FAM227B: variants seen among roughly 807,000 people sequenced by gnomAD.
FAM227B encodes the protein family with sequence similarity 227 member B.
In FAM227B, 88 loss-of-function variants were observed where a neutral mutation model predicts 73.8. The observed-to-expected ratio is 1.19, with a 90% confidence interval of 1.00 to 1.42. The LOEUF (loss-of-function observed/expected upper bound fraction) is 1.42. Among genes scored for constraint, FAM227B ranks in the 40% most tolerant of loss-of-function variants. The pLI is 0.00. For missense variants in FAM227B, 632 were observed against 590.9 expected (o/e 1.07, Z -0.72); for synonymous variants, 210 against 190.5 (o/e 1.10, Z -0.84).
At chr15:49,374,114 C>T (rs1199577794) in intron 11 of FAM227B, among the ~76,000 whole-genome samples, 1 of 152,104 alleles carries the variant, frequency 6.6e-6, no homozygotes, top group Non-Finnish European at 1.5e-5. Context: ...GATAAAAGCT[C>T]TACTTTATAA....
chr15:49,385,008 G>C (rs892227478), intron 11 of FAM227B, among the ~76,000 whole-genome samples: 1 of 151,956 alleles, frequency 6.6e-6, no homozygotes, highest in African/African-American at 2.4e-5. Context: ...CAATGGCAGA[G>C]AATTTCAGGA....
chr15:49,428,762 T>C (rs1317940189), intron 11 of FAM227B, among the ~76,000 whole-genome samples: 1 of 152,018 alleles, frequency 6.6e-6, no homozygotes, highest in South Asian at 2.1e-4. Context: ...TTTTAAGAAT[T>C]TCTTGTCATA....
At chr15:49,489,687 C>T (rs2056716206) in intron 11 of FAM227B, among the ~76,000 whole-genome samples, 1 of 148,342 alleles carries the variant, frequency 6.7e-6, no homozygotes, top group Non-Finnish European at 1.5e-5. Flanking sequence ...GAGAATAAGA[C>T]CTAAAAAGAC....
At chr15:49,403,958 A>G (rs931949373) in intron 11 of FAM227B, among the ~76,000 whole-genome samples, 5 of 152,074 alleles carry the variant, frequency 3.3e-5, no homozygotes, top group Non-Finnish European at 7.4e-5. Context: ...GGTATGTTGC[A>G]TCTTTGTTCT....
At chr15:49,506,191 T>C (rs2058570241) in intron 11 of FAM227B, among the ~76,000 whole-genome samples, 1 of 151,984 alleles carries the variant, frequency 6.6e-6, no homozygotes, top group South Asian at 2.1e-4. Flanking sequence ...TTAATAGAAC[T>C]AAATAAAATA....
At chr15:49,451,307 T>C (rs1472338467) in intron 11 of FAM227B, among the ~76,000 whole-genome samples, 4 of 152,130 alleles carry the variant, frequency 2.6e-5, no homozygotes, top group South Asian at 2.1e-4. Context: ...GAAGAAATTA[T>C]AAAAACTAAA....
Position 49,524,232 on chromosome 15 carries a change from T to C in FAM227B, c.875-15884A>G, listed in dbSNP as rs546649413. Among the ~76,000 whole-genome samples the C allele has an allele frequency of 2.0e-5, 3 of 152,208 alleles. No individual in the cohort carries two copies. In the South Asian group the frequency reaches 6.2e-4, roughly 32 times the overall value. On this transcript the variant is annotated intron_variant, in intron 10 of 15. Coordinates refer to ENST00000299338, the MANE Select transcript of FAM227B (RefSeq NM_152647.3). Reference sequence around the variant, plus strand: ...GAGGCCTAGAAGGGAAAGATGGTTTTGTCAGCTGGGCCCAGGGCTCCCTGC... The same window carrying C: ...GAGGCCTAGAAGGGAAAGATGGTTTCGTCAGCTGGGCCCAGGGCTCCCTGC...
chr15:49,550,085 C>T (rs1260777523), intron 9 of FAM227B, among the ~76,000 whole-genome samples: 2 of 111,038 alleles, frequency 1.8e-5, no homozygotes, highest in African/African-American at 7.6e-5. Context: ...CCCTCCTGGA[C>T]GGGGGCGGCT....
intron 11 of FAM227B, among the ~76,000 whole-genome samples, chr15:49,402,841 T>C (rs1326913949): frequency 2.0e-5 from 3 of 152,128 alleles, no homozygotes; most frequent in Non-Finnish European, 4.4e-5. Flanking sequence ...TGAGAGTGGA[T>C]ATCCTTGTGT....
At chr15:49,476,544 A>G (rs1463625754) in intron 11 of FAM227B, among the ~76,000 whole-genome samples, 1 of 152,086 alleles carries the variant, frequency 6.6e-6, no homozygotes, top group Non-Finnish European at 1.5e-5. Context: ...TCACAAAAAG[A>G]AGTTATCCAT....
At chr15:49,382,776 G>C (rs1186371702) in intron 11 of FAM227B, among the ~76,000 whole-genome samples, 1 of 152,052 alleles carries the variant, frequency 6.6e-6, no homozygotes, top group Non-Finnish European at 1.5e-5. Context: ...AGGGTAAGAT[G>C]GAGCTCTCCT....
intron 4 of FAM227B, among the ~76,000 whole-genome samples, chr15:49,588,368 TA>T (rs1344011158): frequency 6.6e-6 from 1 of 150,800 alleles, no homozygotes; most frequent in Non-Finnish European, 1.5e-5. Context: ...TCCCTTCTCC[TA>T]AAAAAGTCCA....
chr15:49,558,195 G>A (rs1274658082), intron 9 of FAM227B, among the ~76,000 whole-genome samples: 1 of 151,892 alleles, frequency 6.6e-6, no homozygotes, highest in Admixed American at 6.6e-5. Context: ...CCAGACTAAA[G>A]ACCGTGTGAC....
intron 13 of FAM227B, among the ~76,000 whole-genome samples, chr15:49,352,407 A>C (rs2042381112): frequency 6.6e-6 from 1 of 152,176 alleles, no homozygotes; most frequent in African/African-American, 2.4e-5. Flanking sequence ...CTCTTGAAAA[A>C]TATAATCTGC....
intron 10 of FAM227B, among the ~76,000 whole-genome samples, chr15:49,536,993 T>C (rs1471967700): frequency 6.6e-6 from 1 of 152,078 alleles, no homozygotes; most frequent in Non-Finnish European, 1.5e-5. Flanking sequence ...AATAGCTTCT[T>C]GACACTGACA....
At chr15:49,553,056 G>T (rs1344070002) in intron 9 of FAM227B, among the ~76,000 whole-genome samples, 1 of 152,078 alleles carries the variant, frequency 6.6e-6, no homozygotes, top group Non-Finnish European at 1.5e-5. Flanking sequence ...TAAAGAGTTA[G>T]GTATTTATTG....
chr15:49,387,368 C>T (rs993840711), intron 11 of FAM227B, among the ~76,000 whole-genome samples: 1 of 151,728 alleles, frequency 6.6e-6, no homozygotes, highest in African/African-American at 2.4e-5. Flanking sequence ...TAATACATCA[C>T]ATAAACAGAA....
In FAM227B at chr15:49,434,817, A is replaced by C. The variant is rs1016123010; in HGVS notation, c.1013-63418T>G. ...TTCACTGTGTATGCTCAATCTGGCA[A>C]GGGAAAACATCAATAATTAATAAAA... is the stretch of plus-strand genomic sequence containing the variant. On this transcript the variant is annotated intron_variant, in intron 11 of 15. Coordinates refer to ENST00000299338, the MANE Select transcript of FAM227B (RefSeq NM_152647.3). Among the ~76,000 whole-genome samples, 3 of 151,690 alleles carry C rather than the reference A, an allele frequency of 2.0e-5. No individual in the cohort carries two copies. The East Asian group carries it at 5.8e-4, about 30-fold the overall frequency.
At chr15:49,499,774 T>A (rs973388739) in intron 11 of FAM227B, among the ~76,000 whole-genome samples, 1 of 152,184 alleles carries the variant, frequency 6.6e-6, no homozygotes, top group Non-Finnish European at 1.5e-5. Context: ...GAGAGGATAA[T>A]CTTTTCAACA....
Sources: gnomAD v4.1 joint callset for allele counts (sites outside exome capture counted in the v4.1 genomes callset) on GRCh38, gnomAD v4.1.1 for gene constraint, MANE v1.5 for transcripts, NCBI Gene and HGNC (gene_info 2026-07-23, HGNC 2026-07-21) for gene names.